Variants in PPM1L observed in about 807,000 individuals in gnomAD.
PPM1L encodes protein phosphatase, Mg2+/Mn2+ dependent 1L.
Under a neutral mutation model 31.4 loss-of-function variants are expected in PPM1L, and 13 were observed. The ratio of observed to expected loss-of-function variants is 0.41; its 90% CI spans 0.27 to 0.66. The LOEUF is 0.66. Ranked by LOEUF, PPM1L falls within the 30% of genes least tolerant of loss-of-function variation. The pLI, the probability that PPM1L is intolerant of heterozygous loss-of-function variation, is 0.29. For missense variants in PPM1L, 326 were observed against 453.7 expected, an observed-to-expected ratio of 0.72 and a Z score of 2.56; for synonymous variants, 184 against 175.4, an observed-to-expected ratio of 1.05 and a Z score of -0.39.
At chr3:160,843,382 T>G (rs1421129430) in intron 1 of PPM1L, among the ~76,000 whole-genome samples, 1 of 140,166 alleles carries the variant, frequency 7.1e-6, no homozygotes, top group Non-Finnish European at 1.5e-5. Context: ...GTAAACTTTC[T>G]TAAAACATTA....
intron 1 of PPM1L, among the ~76,000 whole-genome samples, chr3:160,959,254 G>A (rs1326259628): frequency 2.0e-5 from 3 of 150,740 alleles, no homozygotes; most frequent in Admixed American, 6.6e-5. Context: ...CTATGAGGAT[G>A]CAAAGGCATA....
chr3:160,885,550 C>T, intron 1 of PPM1L, among the ~76,000 whole-genome samples: 1 of 152,200 alleles, frequency 6.6e-6, no homozygotes, highest in Non-Finnish European at 1.5e-5. Context: ...ACCAACTAGA[C>T]TCTGGCTGGC....
chr3:160,829,174 G>T (rs943964713), intron 1 of PPM1L, among the ~76,000 whole-genome samples: 5 of 151,386 alleles, frequency 3.3e-5, no homozygotes, highest in Admixed American at 2.6e-4. Flanking sequence ...CCCCTCCTTG[G>T]GTTTCCTTTA....
intron 1 of PPM1L, among the ~76,000 whole-genome samples, chr3:160,802,056 C>T (rs538018087): frequency 2.0e-5 from 3 of 152,284 alleles, no homozygotes; most frequent in South Asian, 4.2e-4. Flanking sequence ...TTGGTGGCTA[C>T]GTCGGGTTCT....
At chr3:160,888,365 A>G (rs1366163907) in intron 1 of PPM1L, among the ~76,000 whole-genome samples, 1 of 152,220 alleles carries the variant, frequency 6.6e-6, no homozygotes, top group African/African-American at 2.4e-5. Context: ...AAGCAAAGAA[A>G]GCAGGGGTTT....
At chr3:160,927,099 G>T (rs1017308127) in intron 1 of PPM1L, among the ~76,000 whole-genome samples, 1 of 152,276 alleles carries the variant, frequency 6.6e-6, no homozygotes, top group African/African-American at 2.4e-5. Flanking sequence ...GGGATAGGAG[G>T]CCTTTTTCTG....
intron 2 of PPM1L, among the ~76,000 whole-genome samples, chr3:160,980,716 G>GAA (rs1224386828): frequency 2.5e-3 from 368 of 145,754 alleles, no homozygotes; most frequent in African/African-American, 8.5e-3. Flanking sequence ...GAAAAAAAAA[G>GAA]AGAGAGAGAG....
At chr3:160,944,391 C>G (rs1715257096) in intron 1 of PPM1L, among the ~76,000 whole-genome samples, 1 of 151,620 alleles carries the variant, frequency 6.6e-6, no homozygotes, top group Non-Finnish European at 1.5e-5. Context: ...TGCTTAATCA[C>G]ATTTTTATTT....
At chr3:160,907,278 GAAAT>G (rs1419938101) in intron 1 of PPM1L, among the ~76,000 whole-genome samples, 2 of 152,078 alleles carry the variant, frequency 1.3e-5, no homozygotes, top group African/African-American at 2.4e-5. Flanking sequence ...TAGATAGTGA[GAAAT>G]AAATAGTTTA....
chr3:160,981,228 G>A (rs1039724396), intron 2 of PPM1L, among the ~76,000 whole-genome samples: 2 of 152,120 alleles, frequency 1.3e-5, no homozygotes, highest in African/African-American at 4.8e-5. Flanking sequence ...ATGTTTATTA[G>A]CTCATATAAT....
intron 1 of PPM1L, among the ~76,000 whole-genome samples, chr3:160,838,817 G>A (rs1356196035): frequency 2.6e-5 from 4 of 152,080 alleles, no homozygotes; most frequent in African/African-American, 7.2e-5. Flanking sequence ...TATATTGGAG[G>A]GTCTTGGGGG....
chr3:160,810,326 C>A (rs1712770304), intron 1 of PPM1L, among the ~76,000 whole-genome samples: 2 of 152,074 alleles, frequency 1.3e-5, no homozygotes, highest in South Asian at 4.1e-4. Flanking sequence ...AATTTGCTAG[C>A]TGTTCCTGTG....
chr3:160,875,947 A>T (rs948978856), intron 1 of PPM1L, among the ~76,000 whole-genome samples: 1 of 152,182 alleles, frequency 6.6e-6, no homozygotes, highest in African/African-American at 2.4e-5. Flanking sequence ...CGCCCTTTTC[A>T]CACATTTTTC....
chr3:160,856,973 GA>G (rs1299960454), intron 1 of PPM1L, among the ~76,000 whole-genome samples: 3 of 152,010 alleles, frequency 2.0e-5, no homozygotes, highest in African/African-American at 7.2e-5. Flanking sequence ...CCAAATTTCT[GA>G]AACTTCTTTC....
chr3:160,808,063 T>C (rs1043865111), intron 1 of PPM1L, among the ~76,000 whole-genome samples: 5 of 152,220 alleles, frequency 3.3e-5, no homozygotes, highest in Non-Finnish European at 7.3e-5. Flanking sequence ...AAATCTCTTT[T>C]AGTTAATCTT....
At chr3:160,822,495 T>A (rs932112844) in intron 1 of PPM1L, among the ~76,000 whole-genome samples, 2 of 152,116 alleles carry the variant, frequency 1.3e-5, no homozygotes, top group Non-Finnish European at 2.9e-5. Flanking sequence ...TCCAAAATTT[T>A]GATATGTGTA....
rs1720048396 is a variant in PPM1L at position 161,074,709 on chromosome 3, A to G, written c.*5552A>G. On this transcript the variant is annotated 3_prime_UTR_variant, in exon 4 of 4. Coordinates refer to ENST00000498165, the MANE Select transcript of PPM1L (RefSeq NM_139245.4). ...CAAACTGTTGAGGCTAGGGTTGATT[A>G]TTGATAATTTTTATGTGTTTAGTAA... is the stretch of plus-strand genomic sequence containing the variant. The G allele has an allele frequency of 6.6e-6, 1 of 152,134 alleles. No individual in the cohort carries two copies. The highest frequency in any genetic ancestry group is 1.5e-5 in the Non-Finnish European group (1 of 68,030). The allele number at this position is 152,134 out of a possible 1,614,324, so 9.4% of individuals were successfully genotyped here.
intron 1 of PPM1L, among the ~76,000 whole-genome samples, chr3:160,907,741 T>C (rs914444002): frequency 6.6e-6 from 1 of 152,138 alleles, no homozygotes; most frequent in Non-Finnish European, 1.5e-5. Flanking sequence ...ACCCCAAGCA[T>C]GTAAGGGCAA....
intron 2 of PPM1L, among the ~76,000 whole-genome samples, chr3:160,978,495 G>A (rs928048123): frequency 5.3e-5 from 8 of 152,186 alleles, no homozygotes; most frequent in Admixed American, 2.0e-4. Context: ...GCAAATGCAT[G>A]TGAGCCCATC....
Sources: gnomAD v4.1 joint callset for allele counts (sites outside exome capture counted in the v4.1 genomes callset) on GRCh38, gnomAD v4.1.1 for gene constraint, MANE v1.5 for transcripts, NCBI Gene and HGNC (gene_info 2026-07-23, HGNC 2026-07-21) for gene names.